PRMT2: variants seen among roughly 807,000 people sequenced by gnomAD.
PRMT2 encodes the protein protein arginine methyltransferase 2.
In PRMT2, 26 loss-of-function variants were observed where a neutral mutation model predicts 57.6. The observed-to-expected ratio is 0.45, with a 90% confidence interval of 0.33 to 0.63. The LOEUF is 0.63. Among genes scored for constraint, PRMT2 ranks in the 20% least tolerant of loss-of-function variants. The pLI is 0.02. For synonymous variants in PRMT2, 219 were observed against 220.0 expected, an observed-to-expected ratio of 1.00 and a Z score of 0.04; for missense variants, 472 against 564.4, an observed-to-expected ratio of 0.84 and a Z score of 1.66.
intron 3 of PRMT2, chr21:46,643,333 A>C: frequency 1.1e-6 from 1 of 895,376 alleles, no homozygotes; most frequent in Non-Finnish European, 1.4e-6. Context: ...GGTCCAGATA[A>C]TTTTTTTTTT....
chr21:46,659,431 A>T, intron 8 of PRMT2: 3 of 985,740 alleles, frequency 3.0e-6, no homozygotes, highest in Non-Finnish European at 3.6e-6. Flanking sequence ...AAGTAATTAG[A>T]GAAATCACGT....
intron 7 of PRMT2, chr21:46,651,748 G>A: frequency 1.9e-6 from 3 of 1,580,492 alleles, no homozygotes; most frequent in Non-Finnish European, 2.6e-6. Flanking sequence ...GAGGGAGGGA[G>A]GGTATGAATC....
rs2061555734 is a variant in PRMT2, at chr21:46,657,356, AC to A, written c.655-1388del. On this transcript the variant is annotated intron_variant, in intron 7 of 11. Coordinates refer to ENST00000355680, the MANE Select transcript of PRMT2 (RefSeq NM_206962.4). ...CAAAAACCTGTATGTGAATGATTAT[AC>A]TAGCTCTCTTTATAATTGCAAAAAA... The A allele has an allele frequency of 2.7e-5, 4 of 147,556 alleles. No homozygotes were observed. The South Asian group carries it at 8.6e-4, about 32-fold the overall frequency. 9.1% of individuals were successfully genotyped at this position (147,556 alleles called of 1,614,324 possible). A position where few individuals can be genotyped will look rare whatever the true frequency, so the allele number is the denominator to read the frequency against.
intron 7 of PRMT2, among the ~76,000 whole-genome samples, chr21:46,651,485 GC>G (rs1271191199): frequency 6.6e-6 from 1 of 152,098 alleles, no homozygotes; most frequent in African/African-American, 2.4e-5. Flanking sequence ...GCCACCCTGA[GC>G]AGGACATTTG....
chr21:46,658,964 C>T, intron 8 of PRMT2, 44 bp downstream of exon 8: 1 of 1,586,870 alleles, frequency 6.3e-7, no homozygotes, highest in East Asian at 2.2e-5. Context: ...GTGGGGCCTC[C>T]TGGTCCACAG....
chr21:46,651,966 CCTCAGG>C (rs1397190620), intron 7 of PRMT2: 1 of 1,613,288 alleles, frequency 6.2e-7, no homozygotes, highest in Non-Finnish European at 8.5e-7. Context: ...GCCCCTCAGC[CCTCAGG>C]CCTTCATCTC....
chr21:46,656,593 CT>C (rs1236790745), intron 7 of PRMT2, among the ~76,000 whole-genome samples: 1 of 152,100 alleles, frequency 6.6e-6, no homozygotes, highest in Non-Finnish European at 1.5e-5. Context: ...AAAAGACAGT[CT>C]TTTCAGCAAA....
chr21:46,663,581 T>C, intron 11 of PRMT2, 27 bp downstream of exon 11: 2 of 1,604,574 alleles, frequency 1.2e-6, no homozygotes, highest in Non-Finnish European at 1.7e-6. Context: ...TAAGATTCTG[T>C]CCTGTGGGTG....
intron 8 of PRMT2, chr21:46,660,274 T>C: frequency 1.7e-6 from 1 of 587,774 alleles, no homozygotes; most frequent in Non-Finnish European, 2.1e-6. Flanking sequence ...CGGCGTCTAG[T>C]GTCTGTTTCT....
intron 2 of PRMT2, 148 bp from the exon 3 acceptor site, chr21:46,636,748 T>C: frequency 1.8e-6 from 1 of 552,450 alleles, no homozygotes. Context: ...CTGTAAAGTA[T>C]TGTAAATTTT....
chr21:46,661,207 C>A, intron 9 of PRMT2: 2 of 315,330 alleles, frequency 6.3e-6, no homozygotes, highest in Non-Finnish European at 5.7e-6. Context: ...CCAGCGTCTT[C>A]ATTTTAGATT....
intron 3 of PRMT2, among the ~76,000 whole-genome samples, chr21:46,639,863 C>G (rs968690363): frequency 6.6e-6 from 1 of 152,106 alleles, no homozygotes; most frequent in East Asian, 1.9e-4. Context: ...AGTATTTAGT[C>G]TATTAACACT....
At position 46,663,429 on chromosome 21, in the gene PRMT2, C is replaced by A. The variant is rs371771893; in HGVS notation, c.1144C>A (p.Pro382Thr). The A allele has an allele frequency of 6.2e-7, 1 of 1,614,032 alleles. No homozygotes were observed. Among genetic ancestry groups the A allele is most frequent in the African/African-American group, 1.3e-5 (1 of 74,936 alleles). ...QTLFMMDDPV[P>T]VHTGDVVTGS... ...GCTGTTCATGATGGACGACCCAGTC[C>A]CTGTCCATACAGGAGACGTGGTCAC... The change falls in exon 11 of 12, where the codon CCT becomes ACT. Residue 382 changes from proline to threonine, a missense_variant. Pro to Thr is a conservative substitution (Grantham distance 38). This residue lies in a region of PRMT2 where 229 missense variants were observed against 217.2 expected (regional missense o/e 1.05). Transcript: ENST00000355680.
rs1041086439 is a variant in PRMT2, at chr21:46,648,367, C to T, written c.328-91C>T. ...CCATAGGGGTGTTGGGGTCAGGGGT[C>T]ATCAGCTGTGGCTCTGACCCTCCAT... On this transcript the variant is annotated intron_variant, in intron 5 of 11. Coordinates refer to ENST00000355680, the MANE Select transcript of PRMT2 (RefSeq NM_206962.4). The surrounding 1 kb of genome is among the most constrained non-coding windows in gnomAD (Gnocchi z 4.8). 9 of 1,416,584 alleles carry T rather than the reference C, an allele frequency of 6.4e-6. No homozygotes were observed. In the African/African-American group the frequency reaches 1.1e-4, roughly 18 times the overall value. 87.8% of individuals were successfully genotyped at this position (1,416,584 alleles called of 1,614,324 possible).
rs2061538001 is a variant in PRMT2 at position 46,656,070 on chromosome 21, G to A, written c.655-2675G>A. Among the ~76,000 whole-genome samples the A allele has an allele frequency of 2.0e-5, 3 of 152,288 alleles. No individual in the cohort carries two copies. In the South Asian group the frequency reaches 6.2e-4, roughly 32 times the overall value. ...AGTGGGAGGTGTTTGGGTCATGGGT[G>A]TGGATCCCTCATGAATAGATGAATG... On this transcript the variant is annotated intron_variant, in intron 7 of 11. Coordinates refer to ENST00000355680, the MANE Select transcript of PRMT2 (RefSeq NM_206962.4).
intron 7 of PRMT2, chr21:46,654,274 TAGAA>T (rs1277753781): frequency 4.6e-6 from 2 of 430,834 alleles, no homozygotes; most frequent in East Asian, 1.6e-4. Context: ...AATTATGTTT[TAGAA>T]AGATTTTTAA....
chr21:46,654,878 A>G, intron 7 of PRMT2: 1 of 983,826 alleles, frequency 1.0e-6, no homozygotes, highest in Non-Finnish European at 1.2e-6. Context: ...GTATTCCTGA[A>G]ACAGTCTTGA....
intron 7 of PRMT2, among the ~76,000 whole-genome samples, chr21:46,651,552 C>T (rs1054895799): frequency 6.6e-6 from 1 of 151,682 alleles, no homozygotes; most frequent in Non-Finnish European, 1.5e-5. Flanking sequence ...CCAGTGCAGG[C>T]AGTGGAGGGG....
At chr21:46,652,013 CAT>C (rs749969118) in intron 7 of PRMT2, 16 of 1,613,136 alleles carry the variant, frequency 9.9e-6, no homozygotes, top group Non-Finnish European at 1.4e-5. Context: ...CTGACGCTGA[CAT>C]GTAGTAAAAG....
Sources: gnomAD v4.1 joint callset for allele counts (sites outside exome capture counted in the v4.1 genomes callset) on GRCh38, gnomAD v4.1.1 for gene constraint, gnomAD v4.1.1 regional missense constraint, Gnocchi (gnomAD v3.1) non-coding constraint, MANE v1.5 for transcripts, NCBI Gene and HGNC (gene_info 2026-07-23, HGNC 2026-07-21) for gene names.